The following METTL8 variants were observed in gnomAD, a reference collection of about 807,000 sequenced individuals.
METTL8 encodes the protein methyltransferase 8, tRNA N3-cytidine, also known as tRNA N(3)-cytidine methyltransferase METTL8, mitochondrial.
In METTL8, 32 loss-of-function variants were observed where a neutral mutation model predicts 48.7. The observed-to-expected ratio is 0.66, with a 90% CI of 0.50 to 0.88. METTL8 has a LOEUF of 0.88. Ranked by LOEUF, METTL8 falls within the 40% of genes least tolerant of loss-of-function variation. METTL8 has a pLI of 0.00. For synonymous variants in METTL8, 136 were observed against 157.1 expected (o/e 0.87, Z 1.01); for missense variants, 464 against 474.4 (o/e 0.98, Z 0.20).
chr2:171,386,339 T>C (rs1261419560), intron 2 of METTL8, among the ~76,000 whole-genome samples: 1 of 152,226 alleles, frequency 6.6e-6, no homozygotes, highest in African/African-American at 2.4e-5. Context: ...ATATTGGTGA[T>C]GGTAGTGAAA....
At chr2:171,392,931 T>C (rs974306469) in intron 1 of METTL8, among the ~76,000 whole-genome samples, 25 of 138,386 alleles carry the variant, frequency 1.8e-4, no homozygotes, top group African/African-American at 7.0e-4. Context: ...ACCCCATCTT[T>C]ACTAAAAATA....
rs549544019 is a variant in METTL8, at chr2:171,350,133, C to A, written c.235+10289G>T. On this transcript the variant is annotated intron_variant, in intron 3 of 9. Transcript: ENST00000375258. ...CCCACTCCCGCCACCCCACAATAGG[C>A]CCCAGTGTGTGATGTTCCCCATCCT... Among the ~76,000 whole-genome samples the A allele has an allele frequency of 1.9e-4, 29 of 152,244 alleles. No homozygotes were observed. In the South Asian group the frequency reaches 2.9e-3, roughly 15 times the overall value.
In METTL8 at chr2:171,360,492, C is replaced by G. The variant is rs142587727; in HGVS notation, c.165G>C (p.Lys55Asn). Residue 55 changes from lysine (K) to asparagine (N), a missense_variant, in exon 3 of 10, where the codon AAG becomes AAC. Coordinates refer to ENST00000375258, the MANE Select transcript of METTL8 (RefSeq NM_001321154.2). ...TTTTTCTGGCTGCTGCTTCTTCTTC[C>G]TTAGACCACTGCATGTGATCCCTAT... ...HNMWDHMQWSKEEEAAARKKV... is the reference protein window; with the variant it reads ...HNMWDHMQWSNEEEAAARKKV... 4.2e-5 allele frequency: 67 copies of G among 1,613,660 alleles called. 1 individual carries two copies. In the African/African-American group the frequency reaches 6.9e-4, roughly 17 times the overall value.
At chr2:171,334,295 C>T (rs1021443912) in intron 5 of METTL8, among the ~76,000 whole-genome samples, 1 of 152,266 alleles carries the variant, frequency 6.6e-6, no homozygotes, top group Admixed American at 6.5e-5. Flanking sequence ...GCAGCATGAC[C>T]TCTAAGATGG....
chr2:171,331,300 G>A (rs937554252), intron 6 of METTL8, among the ~76,000 whole-genome samples: 16 of 151,580 alleles, frequency 1.1e-4, no homozygotes, highest in African/African-American at 2.4e-4. Context: ...TAGTAGAGAC[G>A]GGGTTTCACC....
intron 4 of METTL8, 60 bp from the exon 5 acceptor site, chr2:171,337,562 G>T: frequency 7.8e-7 from 1 of 1,283,046 alleles, no homozygotes; most frequent in Non-Finnish European, 1.1e-6. Context: ...TGTCACCAAT[G>T]TCAGATCTCC....
chr2:171,408,687 C>T (rs772000363), intron 1 of METTL8, among the ~76,000 whole-genome samples: 9 of 152,130 alleles, frequency 5.9e-5, no homozygotes, highest in Non-Finnish European at 1.3e-4. Context: ...TTTCAGGTGG[C>T]GCTGAAGGGT....
chr2:171,388,084 T>G (rs748307046), intron 2 of METTL8, among the ~76,000 whole-genome samples: 144 of 152,230 alleles, frequency 9.5e-4, no homozygotes, highest in Middle Eastern at 3.2e-3. Flanking sequence ...TCTTCCAAAA[T>G]AAAACAAATA....
At chr2:171,404,100 T>TATATATATAG in intron 1 of METTL8, among the ~76,000 whole-genome samples, 1 of 121,504 alleles carries the variant, frequency 8.2e-6, no homozygotes, top group Non-Finnish European at 1.7e-5. Context: ...TATATATATA[T>TATATATATAG]GATAGTTTAA....
chr2:171,322,031 C>T lies in METTL8; in HGVS notation c.*2141G>A, dbSNP rs1376163601. 4.0e-5 allele frequency: 6 copies of T among 150,396 alleles called. No homozygotes were observed. The highest frequency in any genetic ancestry group is 1.3e-4 in the Admixed American group (2 of 15,076). 9.3% of individuals were successfully genotyped at this position (150,396 alleles called of 1,614,324 possible). Reference sequence around the variant, plus strand: ...AGGCTGGAGGGCAGTGGTGTCATCTCGGCTCACTGCAACCTCTGCCTCCCG... The same window carrying T: ...AGGCTGGAGGGCAGTGGTGTCATCTTGGCTCACTGCAACCTCTGCCTCCCG... On this transcript the variant is annotated 3_prime_UTR_variant, in exon 10 of 10. Coordinates refer to ENST00000375258, the MANE Select transcript of METTL8 (RefSeq NM_001321154.2).
chr2:171,385,533 G>A (rs1687962892), intron 2 of METTL8, among the ~76,000 whole-genome samples: 1 of 152,226 alleles, frequency 6.6e-6, no homozygotes, highest in Admixed American at 6.5e-5. Flanking sequence ...GGAAGATAAT[G>A]TGAATCAACT....
intron 2 of METTL8, among the ~76,000 whole-genome samples, chr2:171,389,276 T>A (rs989748671): frequency 1.3e-5 from 2 of 152,028 alleles, no homozygotes; most frequent in Admixed American, 1.3e-4. Context: ...TCCCAGCACT[T>A]TGGGAGGCTG....
At chr2:171,363,817 T>TATATATATATATATATATATATATATATA (rs1228494441) in intron 2 of METTL8, among the ~76,000 whole-genome samples, 14 of 128,992 alleles carry the variant, frequency 1.1e-4, no homozygotes, top group African/African-American at 2.6e-4. Context: ...TATATATATC[T>TATATATATATATATATATATATATATATA]TTTTTTTTTT....
At position 171,386,005 on chromosome 2, in the gene METTL8, C is replaced by T. The variant is rs376948936; in HGVS notation, c.143+6038G>A. ...AAATTCCTGGGCCATACCTCTAGAC[C>T]TACTGAAATAGTAACTCCCAGAAGG... On this transcript the variant is annotated intron_variant, in intron 2 of 9. Transcript: ENST00000375258. 1.9e-4 allele frequency among the ~76,000 whole-genome samples: 29 copies of T among 152,330 alleles called. 1 individual carries two copies. In the South Asian group the frequency reaches 5.8e-3, roughly 31 times the overall value.
intron 1 of METTL8, among the ~76,000 whole-genome samples, chr2:171,394,491 C>G (rs547713405): frequency 2.0e-5 from 3 of 152,052 alleles, no homozygotes; most frequent in Non-Finnish European, 4.4e-5. Flanking sequence ...TTAGGCAATT[C>G]AGGAAAATGT....
At chr2:171,429,106 T>C (rs1692710461) in intron 1 of METTL8, among the ~76,000 whole-genome samples, 1 of 151,424 alleles carries the variant, frequency 6.6e-6, no homozygotes, top group Non-Finnish European at 1.5e-5. Flanking sequence ...TCATTTTCAA[T>C]TTGATAAAAA....
intron 1 of METTL8, among the ~76,000 whole-genome samples, chr2:171,411,362 G>A (rs1438451697): frequency 6.6e-6 from 1 of 152,230 alleles, no homozygotes; most frequent in African/African-American, 2.4e-5. Flanking sequence ...GAGAAAGAGT[G>A]ATGTGATTGT....
At chr2:171,389,927 T>C (rs1688433857) in intron 2 of METTL8, among the ~76,000 whole-genome samples, 1 of 152,236 alleles carries the variant, frequency 6.6e-6, no homozygotes, top group African/African-American at 2.4e-5. Flanking sequence ...AACAGCTTTC[T>C]ATTGGAAGAA....
At chr2:171,335,180 A>G (rs1192867217) in intron 5 of METTL8, among the ~76,000 whole-genome samples, 1 of 152,180 alleles carries the variant, frequency 6.6e-6, no homozygotes, top group Non-Finnish European at 1.5e-5. Flanking sequence ...CAGAACTGTA[A>G]ATTTACCAGC....
Sources: gnomAD v4.1 joint callset for allele counts (sites outside exome capture counted in the v4.1 genomes callset) on GRCh38, gnomAD v4.1.1 for gene constraint, MANE v1.5 for transcripts, NCBI Gene and HGNC (gene_info 2026-07-23, HGNC 2026-07-21) for gene names.